ARMH4: variants seen among roughly 807,000 people sequenced by gnomAD.
ARMH4 encodes armadillo like helical domain containing 4.
Under a neutral mutation model 61.9 loss-of-function variants are expected in ARMH4, and 49 were observed. The observed-to-expected ratio is 0.79, with a 90% CI of 0.63 to 1.00. The LOEUF (loss-of-function observed/expected upper bound fraction) is 1.00, where lower values mean the gene tolerates loss of function less well. Ranked by LOEUF, ARMH4 falls within the 50% of genes least tolerant of loss-of-function variation. The probability of loss-of-function intolerance (pLI) is 0.00; values close to 1 mark genes in which losing one functional copy is unlikely to be tolerated. For synonymous variants in ARMH4, 368 were observed against 341.5 expected, an observed-to-expected ratio of 1.08 and a Z score of -0.85; for missense variants, 934 against 930.0, an observed-to-expected ratio of 1.00 and a Z score of -0.06.
chr14:58,016,154 A>G (rs932523171), intron 5 of ARMH4, among the ~76,000 whole-genome samples: 1 of 152,106 alleles, frequency 6.6e-6, no homozygotes, highest in Non-Finnish European at 1.5e-5. Context: ...GTGCACAAAA[A>G]TTTTGTTTAA....
intron 5 of ARMH4, among the ~76,000 whole-genome samples, chr14:58,085,513 T>C (rs1277499040): frequency 1.3e-5 from 2 of 152,152 alleles, no homozygotes; most frequent in Non-Finnish European, 2.9e-5. Flanking sequence ...CTGTAGTGGA[T>C]GAAGAGGTTA....
At chr14:58,015,706 G>A (rs1277848122) in intron 5 of ARMH4, among the ~76,000 whole-genome samples, 2 of 146,890 alleles carry the variant, frequency 1.4e-5, no homozygotes, top group Admixed American at 6.9e-5. Context: ...AAAATGATAA[G>A]AGAATGCAAT....
chr14:58,132,831 C>G (rs1386467654), intron 3 of ARMH4, among the ~76,000 whole-genome samples: 2 of 151,964 alleles, frequency 1.3e-5, no homozygotes, highest in African/African-American at 2.4e-5. Context: ...GTGATCCACC[C>G]GCCTCAGCCT....
chr14:58,137,657 C>T (rs1430114343), intron 2 of ARMH4, among the ~76,000 whole-genome samples: 1 of 152,172 alleles, frequency 6.6e-6, no homozygotes, highest in Non-Finnish European at 1.5e-5. Context: ...CTTGGCCTCC[C>T]AAAGTGCTGG....
At position 58,133,155 on chromosome 14, in the gene ARMH4, G is replaced by C. The variant is rs1384374844; in HGVS notation, c.1556C>G (p.Pro519Arg). 6.2e-7 allele frequency: 1 copy of C among 1,614,160 alleles called. No individual in the cohort carries two copies. Among genetic ancestry groups the C allele is most frequent in the Admixed American group, 1.7e-5 (1 of 60,014 alleles). Reference protein sequence around the residue: ...GVTQLSRRWEPLATTISTTVV... With the variant: ...GVTQLSRRWERLATTISTTVV... ...TGTAGTTGAAATTGTAGTGGCCAGAGGCTCCCATCTTCTTGACAGCTGAGT... is the reference window on the plus strand; with the variant it reads ...TGTAGTTGAAATTGTAGTGGCCAGACGCTCCCATCTTCTTGACAGCTGAGT... The change falls in exon 3 of 8, where the codon CCT (proline) becomes CGT (arginine). Residue 519 changes from proline to arginine, a missense_variant. Coordinates refer to ENST00000267485, the MANE Select transcript of ARMH4 (RefSeq NM_001001872.4).
intron 4 of ARMH4, among the ~76,000 whole-genome samples, chr14:58,122,677 C>A (rs1886766232): frequency 6.6e-6 from 1 of 152,120 alleles, no homozygotes; most frequent in Non-Finnish European, 1.5e-5. Context: ...ACTTTGGAGG[C>A]TCTGGAAAAG....
intron 5 of ARMH4, among the ~76,000 whole-genome samples, chr14:58,024,820 G>A (rs1319072922): frequency 2.0e-5 from 3 of 152,100 alleles, no homozygotes; most frequent in Admixed American, 6.5e-5. Context: ...CCTAAAGAAC[G>A]GGAGAGTGAT....
intron 4 of ARMH4, among the ~76,000 whole-genome samples, chr14:58,120,267 T>C (rs769077222): frequency 5.9e-5 from 9 of 152,130 alleles, no homozygotes; most frequent in Non-Finnish European, 1.2e-4. Context: ...CTATCATATA[T>C]GAGGTGTGTT....
chr14:58,138,398 T>A lies in ARMH4; in HGVS notation c.961A>T (p.Ser321Cys), dbSNP rs1360519956. The change falls in exon 2 of 8, where the codon AGT (serine) becomes TGT (cysteine). Residue 321 changes from serine (S) to cysteine (C), a missense_variant. By Grantham distance (112) the Ser-to-Cys change is moderately radical (BLOSUM62 -1). Transcript: ENST00000267485. ...SDEWDDTKLE[S>C]VSRIRTPKLG... ...TTGGGGGTCCTTATCCGGCTTACAC[T>A]CTCTAATTTGGTGTCATCCCACTCA... 1.2e-6 allele frequency: 2 copies of A among 1,614,104 alleles called. No homozygotes were observed. The highest frequency in any genetic ancestry group is 1.3e-5 in the African/African-American group (1 of 74,992).
At chr14:58,098,345 AC>A (rs1269311809) in intron 4 of ARMH4, among the ~76,000 whole-genome samples, 23 of 152,068 alleles carry the variant, frequency 1.5e-4, no homozygotes, top group Admixed American at 1.1e-3. Context: ...CAACCCCCTA[AC>A]GGGTGCCGTT....
intron 5 of ARMH4, among the ~76,000 whole-genome samples, chr14:58,056,000 A>T (rs925585613): frequency 1.3e-5 from 2 of 152,232 alleles, no homozygotes; most frequent in African/African-American, 2.4e-5. Context: ...TAAAGGATTT[A>T]AAAATAAAGC....
chr14:58,049,416 T>A (rs1027447800), intron 5 of ARMH4, among the ~76,000 whole-genome samples: 8 of 152,188 alleles, frequency 5.3e-5, no homozygotes, highest in Admixed American at 5.2e-4. Context: ...GTTTTATGCA[T>A]GATAGTTTCA....
At chr14:58,082,637 C>T (rs1427603343) in intron 5 of ARMH4, among the ~76,000 whole-genome samples, 1 of 152,182 alleles carries the variant, frequency 6.6e-6, no homozygotes, top group East Asian at 1.9e-4. Context: ...TTTTCTTCCC[C>T]AGCATATTTC....
At chr14:58,124,205 G>A (rs1002527611) in intron 4 of ARMH4, among the ~76,000 whole-genome samples, 9 of 152,216 alleles carry the variant, frequency 5.9e-5, no homozygotes, top group Admixed American at 2.0e-4. Context: ...GACACCTGAA[G>A]CAGAAGCAGC....
intron 6 of ARMH4, among the ~76,000 whole-genome samples, chr14:58,006,807 G>A (rs955817236): frequency 1.3e-5 from 2 of 151,998 alleles, no homozygotes; most frequent in Non-Finnish European, 2.9e-5. Flanking sequence ...TACACCTAAT[G>A]TAAATGACAA....
At chr14:58,151,336 G>A (rs1386515183) in intron 1 of ARMH4, among the ~76,000 whole-genome samples, 1 of 152,118 alleles carries the variant, frequency 6.6e-6, no homozygotes, top group African/African-American at 2.4e-5. Flanking sequence ...CAGTGACCAC[G>A]AGGCACATGA....
At chr14:58,029,670 C>T (rs780070021) in intron 5 of ARMH4, among the ~76,000 whole-genome samples, 1 of 152,048 alleles carries the variant, frequency 6.6e-6, no homozygotes, top group Non-Finnish European at 1.5e-5. Flanking sequence ...TTCATATCCA[C>T]TAGGAAGGCC....
At chr14:58,080,413 G>C (rs917086495) in intron 5 of ARMH4, among the ~76,000 whole-genome samples, 1 of 152,222 alleles carries the variant, frequency 6.6e-6, no homozygotes, top group Non-Finnish European at 1.5e-5. Context: ...ACAGGTGTGA[G>C]CCACTGTGCC....
chr14:58,019,260 C>T (rs1176232356), intron 5 of ARMH4, among the ~76,000 whole-genome samples: 3 of 151,998 alleles, frequency 2.0e-5, no homozygotes, highest in Non-Finnish European at 4.4e-5. Flanking sequence ...GTGTTCTTAC[C>T]ACAAAAATGC....
Sources: gnomAD v4.1 joint callset for allele counts (sites outside exome capture counted in the v4.1 genomes callset) on GRCh38, gnomAD v4.1.1 for gene constraint, MANE v1.5 for transcripts, NCBI Gene and HGNC (gene_info 2026-07-23, HGNC 2026-07-21) for gene names.